YTHDF3: variants seen among roughly 807,000 people sequenced by gnomAD.
YTHDF3 encodes the protein YTH domain-containing family protein 3.
Under a neutral mutation model 52.5 loss-of-function variants are expected in YTHDF3, and 9 were observed. That is an observed-to-expected ratio of 0.17 (90% CI 0.10 to 0.30). The LOEUF (loss-of-function observed/expected upper bound fraction) is 0.30, where lower values mean the gene tolerates loss of function less well. Among genes scored for constraint, YTHDF3 ranks in the 10% least tolerant of loss-of-function variants. The pLI, the probability that YTHDF3 is intolerant of heterozygous loss-of-function variation, is 1.00. For synonymous variants in YTHDF3, 274 were observed against 243.3 expected, an observed-to-expected ratio of 1.13 and a Z score of -1.18; for missense variants, 534 against 715.0, an observed-to-expected ratio of 0.75 and a Z score of 2.89.
chr8:63,199,942 T>C (rs1809492238), intron 4 of YTHDF3, among the ~76,000 whole-genome samples: 1 of 152,172 alleles, frequency 6.6e-6, no homozygotes, highest in Non-Finnish European at 1.5e-5. Context: ...GTCTCAGTTA[T>C]TTACGACTGT....
At chr8:63,185,996 A>G (rs1808473658) in intron 3 of YTHDF3, 151 bp from the exon 4 acceptor site, 2 of 882,370 alleles carry the variant, frequency 2.3e-6, no homozygotes, top group Non-Finnish European at 3.3e-6. Context: ...TGTTGATAAA[A>G]CTGGATTTGA....
At chr8:63,189,534 T>C (rs1446908489) in intron 4 of YTHDF3, among the ~76,000 whole-genome samples, 1 of 152,248 alleles carries the variant, frequency 6.6e-6, no homozygotes, top group Non-Finnish European at 1.5e-5. Flanking sequence ...AACTTAACTC[T>C]ATGTAAAATC....
chr8:63,171,669 C>A (rs1435457), intron 2 of YTHDF3, among the ~76,000 whole-genome samples: 46,565 of 152,056 alleles, frequency 0.31, 9,108 homozygotes, highest in East Asian at 0.76. Context: ...GTTCCCAGCT[C>A]GTAAAATTGT....
In YTHDF3 at chr8:63,210,186, CAA is replaced by C. The variant is rs1810296397; in HGVS notation, c.*481_*482del. ...TCATGCCATATTTAGTCCTGGAGTT[CAA>C]GTCTAAATGTTGATGTGAAAAATTA... is the stretch of plus-strand genomic sequence containing the variant. On this transcript the variant is annotated 3_prime_UTR_variant, in exon 5 of 5. Coordinates refer to ENST00000539294, the MANE Select transcript of YTHDF3 (RefSeq NM_152758.6). 1 of 153,056 alleles carries C rather than the reference CAA, an allele frequency of 6.5e-6. No individual in the cohort carries two copies. Among genetic ancestry groups the C allele is most frequent in the Non-Finnish European group, 1.5e-5 (1 of 68,386 alleles). The allele number at this position is 153,056 out of a possible 1,614,324, so 9.5% of individuals were successfully genotyped here. A position where few individuals can be genotyped will look rare whatever the true frequency, so the allele number is the denominator to read the frequency against.
At position 63,209,891 on chromosome 8, in the gene YTHDF3, A is replaced by G; in HGVS notation, c.*185A>G. ...CGCATCTGCCCTTATACTCTTCACC[A>G]AACACACTTGAGAACTGTAACTTCG... is the stretch of plus-strand genomic sequence containing the variant. On this transcript the variant is annotated 3_prime_UTR_variant, in exon 5 of 5. Coordinates refer to ENST00000539294, the MANE Select transcript of YTHDF3 (RefSeq NM_152758.6). 3.7e-6 allele frequency: 2 copies of G among 543,372 alleles called. No individual in the cohort carries two copies. The highest frequency in any genetic ancestry group is 6.3e-6 in the Non-Finnish European group (2 of 317,852). The allele number at this position is 543,372 out of a possible 1,614,324, so 33.7% of individuals were successfully genotyped here.
At chr8:63,186,087 T>A in intron 3 of YTHDF3, 60 bp from the exon 4 acceptor site, 1 of 1,465,710 alleles carries the variant, frequency 6.8e-7, no homozygotes, top group Non-Finnish European at 9.2e-7. Flanking sequence ...TCTTTCAGAT[T>A]TCTTTTTTTG....
At chr8:63,170,811 G>T (rs944371737) in intron 2 of YTHDF3, among the ~76,000 whole-genome samples, 3 of 152,028 alleles carry the variant, frequency 2.0e-5, no homozygotes, top group Non-Finnish European at 4.4e-5. Context: ...CCGCTTTAAG[G>T]TAAGTACACA....
chr8:63,168,915 G>A lies in YTHDF3; in HGVS notation c.24+14G>A. 1 of 1,551,360 alleles carries A rather than the reference G, an allele frequency of 6.4e-7. No homozygotes were observed. Among genetic ancestry groups the A allele is most frequent in the Non-Finnish European group, 8.7e-7 (1 of 1,147,256 alleles). On this transcript the variant is annotated intron_variant, in intron 1 of 4. Coordinates refer to ENST00000539294, the MANE Select transcript of YTHDF3 (RefSeq NM_152758.6). Reference sequence around the variant, plus strand: ...AGCGTGGATCAGGTGAGGGAGCAGAGGCCCCAGGCTTGGCGAAGGCCCGAG... The same window carrying A: ...AGCGTGGATCAGGTGAGGGAGCAGAAGCCCCAGGCTTGGCGAAGGCCCGAG...
intron 3 of YTHDF3, among the ~76,000 whole-genome samples, chr8:63,181,357 T>C (rs1004753544): frequency 2.0e-5 from 3 of 152,222 alleles, no homozygotes; most frequent in Non-Finnish European, 4.4e-5. Context: ...TAATGTTAAG[T>C]AATTACTATA....
At chr8:63,178,484 A>G (rs557267062) in intron 3 of YTHDF3, among the ~76,000 whole-genome samples, 2 of 152,358 alleles carry the variant, frequency 1.3e-5, no homozygotes, top group East Asian at 3.9e-4. Flanking sequence ...GCATCATTGC[A>G]GGTTATGTTG....
At chr8:63,189,687 T>G (rs1018783762) in intron 4 of YTHDF3, among the ~76,000 whole-genome samples, 5 of 152,128 alleles carry the variant, frequency 3.3e-5, no homozygotes, top group African/African-American at 1.2e-4. Flanking sequence ...GTCACATAAG[T>G]GTTAATTGGG....
chr8:63,179,209 T>A lies in YTHDF3; in HGVS notation c.135+3793T>A, dbSNP rs114766081. ...TTCATAGTAATTTTGAAAGTAAATG[T>A]CAGTCCTTCATTTCTTTTTTTTTTT... On this transcript the variant is annotated intron_variant, in intron 3 of 4. Transcript: ENST00000539294. Among the ~76,000 whole-genome samples the A allele has an allele frequency of 8.0e-3, 1,218 of 152,240 alleles. 24 individuals are homozygous for A. Among genetic ancestry groups the A allele is most frequent in the African/African-American group, 0.028 (1,174 of 41,556 alleles).
chr8:63,171,787 G>A (rs1807343727), intron 2 of YTHDF3, among the ~76,000 whole-genome samples: 3 of 152,174 alleles, frequency 2.0e-5, no homozygotes, highest in Non-Finnish European at 4.4e-5. Context: ...ATGAAAAATA[G>A]TATGTCCTTG....
chr8:63,175,300 TACA>T (rs749215974), intron 2 of YTHDF3, 28 bp from the exon 3 acceptor site: 1 of 1,529,496 alleles, frequency 6.5e-7, no homozygotes. Flanking sequence ...TAAAGATAAC[TACA>T]ACACTTCTAA....
At position 63,209,846 on chromosome 8, in the gene YTHDF3, C is replaced by A; in HGVS notation, c.*140C>A. 1 of 819,438 alleles carries A rather than the reference C, an allele frequency of 1.2e-6. No homozygotes were observed. The highest frequency in any genetic ancestry group is 1.9e-5 in the South Asian group (1 of 53,096). The allele number at this position is 819,438 out of a possible 1,614,324, so 50.8% of individuals were successfully genotyped here. A position where few individuals can be genotyped will look rare whatever the true frequency, so the allele number is the denominator to read the frequency against. On this transcript the variant is annotated 3_prime_UTR_variant, in exon 5 of 5. Transcript: ENST00000539294. ...ACACTTTAACACAAAGTTGACTCTT[C>A]TCGTAATGGTTTTCATCAGCGCATC...
At chr8:63,200,366 ACT>A (rs537908025) in intron 4 of YTHDF3, among the ~76,000 whole-genome samples, 288 of 151,156 alleles carry the variant, frequency 1.9e-3, no homozygotes, top group Non-Finnish European at 2.4e-3. Flanking sequence ...CAGAAGTGAC[ACT>A]CTGTCGCCTC....
chr8:63,170,249 G>A (rs937038218), intron 2 of YTHDF3, among the ~76,000 whole-genome samples: 9 of 152,082 alleles, frequency 5.9e-5, no homozygotes, highest in African/African-American at 2.2e-4. Context: ...CTAAAATTAT[G>A]CTTTCTGTTG....
At chr8:63,170,254 C>T (rs1055463271) in intron 2 of YTHDF3, among the ~76,000 whole-genome samples, 6 of 152,116 alleles carry the variant, frequency 3.9e-5, no homozygotes, top group African/African-American at 1.4e-4. Flanking sequence ...ATTATGCTTT[C>T]TGTTGATTTC....
chr8:63,177,764 T>A (rs1807798595), intron 3 of YTHDF3, among the ~76,000 whole-genome samples: 1 of 151,940 alleles, frequency 6.6e-6, no homozygotes, highest in Non-Finnish European at 1.5e-5. Flanking sequence ...CTCTTATTTT[T>A]TTTTTTTTTT....
Sources: allele counts gnomAD v4.1 joint callset (sites outside exome capture counted in the v4.1 genomes callset), GRCh38; gene constraint gnomAD v4.1.1; transcripts MANE v1.5; gene names NCBI Gene and HGNC (gene_info 2026-07-23, HGNC 2026-07-21).